Variants in NUP155 observed in about 807,000 individuals in gnomAD.
NUP155 encodes the protein nucleoporin 155.
A neutral mutation model predicts 180.4 loss-of-function variants in NUP155; 71 were observed. That is an observed-to-expected ratio of 0.39 (90% CI 0.33 to 0.48). The LOEUF (loss-of-function observed/expected upper bound fraction) is 0.48, where lower values mean the gene tolerates loss of function less well. NUP155 is among the 20% of genes least tolerant of loss of function. NUP155 has a pLI of 0.91. For synonymous variants in NUP155, 582 were observed against 559.5 expected, an observed-to-expected ratio of 1.04 and a Z score of -0.57; for missense variants, 1,553 against 1,648.9, an observed-to-expected ratio of 0.94 and a Z score of 1.01.
intron 11 of NUP155, 142 bp downstream of exon 11, chr5:37,340,948 T>C (rs1745673467): frequency 1.4e-6 from 1 of 698,020 alleles, no homozygotes; most frequent in East Asian, 2.7e-5. Context: ...TTTTCAACCC[T>C]TGCTCCCCTA....
intron 14 of NUP155, among the ~76,000 whole-genome samples, chr5:37,330,707 T>G (rs1395469799): frequency 6.6e-6 from 1 of 152,158 alleles, no homozygotes; most frequent in Non-Finnish European, 1.5e-5. Context: ...GCCTCAGGTT[T>G]CTTCCTCAGG....
At chr5:37,324,245 A>G (rs1439788410) in intron 19 of NUP155, 138 bp from the exon 20 acceptor site, 1 of 666,202 alleles carries the variant, frequency 1.5e-6, no homozygotes, top group Admixed American at 2.3e-5. Context: ...CGAATAAAGT[A>G]TACCTACACA....
At chr5:37,327,606 T>C (rs1462421807) in intron 18 of NUP155, 23 bp downstream of exon 18, 2 of 1,613,316 alleles carry the variant, frequency 1.2e-6, no homozygotes, top group Non-Finnish European at 1.7e-6. Flanking sequence ...GAGCAATAAT[T>C]CATTATTTCA....
In NUP155 at chr5:37,294,459, A is replaced by G. The variant is rs773071536; in HGVS notation, c.3800T>C (p.Ile1267Thr). 8.7e-6 allele frequency: 14 copies of G among 1,613,672 alleles called. No homozygotes were observed. Among genetic ancestry groups the G allele is most frequent in the Admixed American group, 3.3e-5 (2 of 59,984 alleles). ...AACCTGCTGTTCTAAAAACTGTACA[A>G]TAAAATCTGGGAAGAAAAAAAAAGA... is the stretch of plus-strand genomic sequence containing the variant. ...GTPRFFPLDFIVQFLEQQVCT... is the reference protein window; with the variant it reads ...GTPRFFPLDFTVQFLEQQVCT... Residue 1267 changes from isoleucine to threonine, a missense_variant, in exon 33 of 35, where the codon ATT becomes ACT. Coordinates refer to ENST00000231498, the MANE Select transcript of NUP155 (RefSeq NM_153485.3).
chr5:37,370,937 G>T lies in NUP155; in HGVS notation c.41C>A (p.Thr14Lys). 6.2e-7 allele frequency: 1 copy of T among 1,614,172 alleles called. No homozygotes were observed. Among genetic ancestry groups the T allele is most frequent in the Non-Finnish European group, 8.5e-7 (1 of 1,180,048 alleles). ...SLLGAAMPAS[T>K]SAAALQEALE... ...AGCTTCCTGCAGGGCTGCGGCAGAT[G>T]TAGAGGCCGGCATCGCCGCGCCCAA... is the stretch of plus-strand genomic sequence containing the variant. The change falls in exon 1 of 35, where the codon ACA becomes AAA. Residue 14 changes from threonine (T) to lysine (K), a missense_variant. Coordinates refer to ENST00000231498, the MANE Select transcript of NUP155 (RefSeq NM_153485.3).
chr5:37,343,066 CT>C (rs762083429), intron 9 of NUP155, among the ~76,000 whole-genome samples: 69 of 149,030 alleles, frequency 4.6e-4, no homozygotes, highest in Non-Finnish European at 8.1e-4. Flanking sequence ...TCCATATTTT[CT>C]TTTTTTTTTC....
intron 25 of NUP155, among the ~76,000 whole-genome samples, chr5:37,306,405 T>TCAAAAA (rs949980485): frequency 1.3e-5 from 2 of 152,198 alleles, no homozygotes; most frequent in African/African-American, 4.8e-5. Flanking sequence ...AAGCTTTGTC[T>TCAAAAA]CAAAAACAAA....
intron 9 of NUP155, among the ~76,000 whole-genome samples, chr5:37,344,078 G>A (rs1745919760): frequency 6.6e-6 from 1 of 152,000 alleles, no homozygotes. Context: ...GGTGGCTCAT[G>A]CCTCAAATCC....
intron 1 of NUP155, among the ~76,000 whole-genome samples, chr5:37,366,829 T>A (rs1358015586): frequency 2.0e-5 from 3 of 152,172 alleles, no homozygotes; most frequent in Non-Finnish European, 2.9e-5. Context: ...TTTTTTTATT[T>A]TTAGTAGAGA....
At chr5:37,315,883 T>C (rs544126189) in intron 21 of NUP155, among the ~76,000 whole-genome samples, 1 of 152,150 alleles carries the variant, frequency 6.6e-6, no homozygotes, top group Non-Finnish European at 1.5e-5. Context: ...GAGGCTGCAG[T>C]GAGCTGAGAT....
intron 12 of NUP155, among the ~76,000 whole-genome samples, chr5:37,337,543 C>G (rs1163773622): frequency 6.6e-6 from 1 of 151,868 alleles, no homozygotes; most frequent in Non-Finnish European, 1.5e-5. Flanking sequence ...AAAAAGACAA[C>G]TTCAAAAAAG....
chr5:37,336,931 G>A (rs756271642), intron 12 of NUP155, among the ~76,000 whole-genome samples: 16 of 152,200 alleles, frequency 1.1e-4, no homozygotes, highest in Non-Finnish European at 2.1e-4. Context: ...AAAACTAGAA[G>A]CAAAATGCCT....
intron 32 of NUP155, among the ~76,000 whole-genome samples, chr5:37,296,080 C>T (rs1301472089): frequency 6.7e-6 from 1 of 150,062 alleles, no homozygotes; most frequent in Admixed American, 6.6e-5. Context: ...GCCCGGCCAG[C>T]CGCCCCGTCC....
At position 37,348,524 on chromosome 5, in the gene NUP155, C is replaced by T. The variant is rs1175043808; in HGVS notation, c.976G>A (p.Ala326Thr). ...ASVSQNAIVS[A>T]AGNIARTIDR... ...TGTTACCTAGCAATGTTACCAGCAG[C>T]AGAGACAATGGCATTCTGTGACACA... is the stretch of plus-strand genomic sequence containing the variant. The change falls in exon 9 of 35, where the codon GCT (alanine) becomes ACT (threonine). Residue 326 changes from alanine to threonine, a missense_variant. By Grantham distance (58) the Ala-to-Thr change is moderately conservative. Coordinates refer to ENST00000231498, the MANE Select transcript of NUP155 (RefSeq NM_153485.3). 6.2e-7 allele frequency: 1 copy of T among 1,609,092 alleles called. No homozygotes were observed. The highest frequency in any genetic ancestry group is 1.7e-5 in the Admixed American group (1 of 59,996).
At chr5:37,347,236 G>A (rs1409124528) in intron 9 of NUP155, among the ~76,000 whole-genome samples, 1 of 151,416 alleles carries the variant, frequency 6.6e-6, no homozygotes, top group Non-Finnish European at 1.5e-5. Flanking sequence ...TCAAAAAGAA[G>A]CAAACAAAAA....
In NUP155 at chr5:37,307,302, T is replaced by C. The variant is rs377017210; in HGVS notation, c.2898A>G (p.Gln966=). ...EEDIVGLQAF[Q]ERLNSYKCIT... ...GCTAACGTAATGGAATGCACCTTTC[T>C]TGGAAGGCCTGAAGTCCAACTATGT... The change falls in exon 25 of 35, where the codon CAA becomes CAG. Residue 966 remains glutamine (Q), a synonymous_variant. Coordinates refer to ENST00000231498, the MANE Select transcript of NUP155 (RefSeq NM_153485.3). The C allele has an allele frequency of 3.1e-6, 5 of 1,614,098 alleles. No homozygotes were observed. Among genetic ancestry groups the C allele is most frequent in the Non-Finnish European group, 4.2e-6 (5 of 1,179,956 alleles).
At chr5:37,309,072 C>A (rs959914978) in intron 24 of NUP155, 57 bp downstream of exon 24, 1 of 1,570,532 alleles carries the variant, frequency 6.4e-7, no homozygotes, top group Non-Finnish European at 8.7e-7. Context: ...TTCATTCATA[C>A]ACTATTGTTT....
At chr5:37,338,226 G>C (rs765904305) in intron 11 of NUP155, among the ~76,000 whole-genome samples, 95 of 149,674 alleles carry the variant, frequency 6.3e-4, no homozygotes, top group Non-Finnish European at 1.2e-3. Context: ...GCTGAGGCAG[G>C]AGAATGGCGT....
At chr5:37,301,625 C>G (rs910135912) in intron 29 of NUP155, 75 bp from the exon 30 acceptor site, 1 of 905,718 alleles carries the variant, frequency 1.1e-6, no homozygotes, top group African/African-American at 1.6e-5. Flanking sequence ...ACGGATCCTA[C>G]TATCTGACTT....
Sources: gnomAD v4.1 joint callset for allele counts (sites outside exome capture counted in the v4.1 genomes callset) on GRCh38, gnomAD v4.1.1 for gene constraint, MANE v1.5 for transcripts, NCBI Gene and HGNC (gene_info 2026-07-23, HGNC 2026-07-21) for gene names.